Variants in HPSE2 observed in about 807,000 individuals in gnomAD.
The protein encoded by HPSE2 is inactive heparanase-2.
Under a neutral mutation model 60.5 loss-of-function variants are expected in HPSE2, and 38 were observed. The ratio of observed to expected loss-of-function variants is 0.63; its 90% CI spans 0.48 to 0.82. The LOEUF is 0.82. HPSE2 is among the 40% of genes least tolerant of loss of function. HPSE2 has a pLI of 0.00. For synonymous variants in HPSE2, 295 were observed against 293.2 expected, an observed-to-expected ratio of 1.01 and a Z score of -0.06; for missense variants, 713 against 740.4, an observed-to-expected ratio of 0.96 and a Z score of 0.43.
In HPSE2 at chr10:98,459,064, G is replaced by A; in HGVS notation, c.*510C>T. 1 of 213,610 alleles carries A rather than the reference G, an allele frequency of 4.7e-6. No individual in the cohort carries two copies. Among genetic ancestry groups the A allele is most frequent in the South Asian group, 8.8e-5 (1 of 11,406 alleles). 13.2% of individuals were successfully genotyped at this position (213,610 alleles called of 1,614,324 possible). A position where few individuals can be genotyped will look rare whatever the true frequency, so the allele number is the denominator to read the frequency against. On this transcript the variant is annotated 3_prime_UTR_variant, in exon 12 of 12. Coordinates refer to ENST00000370552, the MANE Select transcript of HPSE2 (RefSeq NM_021828.5). ...CACACCCATTACTCCCCTATGGAAAGAGATGTGTCAAAAAACTCAGGGCAG... is the reference window on the plus strand; with the variant it reads ...CACACCCATTACTCCCCTATGGAAAAAGATGTGTCAAAAAACTCAGGGCAG...
intron 9 of HPSE2, among the ~76,000 whole-genome samples, chr10:98,565,492 C>G (rs952219184): frequency 1.3e-5 from 2 of 152,292 alleles, no homozygotes; most frequent in East Asian, 3.9e-4. Context: ...CATGTCCTTG[C>G]AAAGGACATG....
chr10:98,831,274 C>A (rs1951677658), intron 3 of HPSE2, among the ~76,000 whole-genome samples: 1 of 152,128 alleles, frequency 6.6e-6, no homozygotes, highest in East Asian at 1.9e-4. Context: ...AGGGTGTAGT[C>A]CTGAAGAAGA....
chr10:99,093,841 A>G (rs1843604224), intron 3 of HPSE2, among the ~76,000 whole-genome samples: 1 of 151,976 alleles, frequency 6.6e-6, no homozygotes, highest in Admixed American at 6.6e-5. Context: ...ATCTATTTTT[A>G]TTTATCCCAT....
chr10:98,946,403 T>G (rs555726424), intron 3 of HPSE2, among the ~76,000 whole-genome samples: 1 of 151,112 alleles, frequency 6.6e-6, no homozygotes, highest in African/African-American at 2.4e-5. Flanking sequence ...AGCCCACGAG[T>G]TTTAGACTGC....
chr10:99,119,233 A>G (rs1844849547), intron 3 of HPSE2, among the ~76,000 whole-genome samples: 2 of 152,142 alleles, frequency 1.3e-5, no homozygotes, highest in South Asian at 4.2e-4. Flanking sequence ...TAAACTGATA[A>G]ATAACTTCAG....
chr10:98,727,603 C>A (rs1306996307), intron 4 of HPSE2, among the ~76,000 whole-genome samples: 1 of 151,774 alleles, frequency 6.6e-6, no homozygotes, highest in Non-Finnish European at 1.5e-5. Flanking sequence ...TTGCAGTGAG[C>A]CAAGATTGCA....
rs762762015 is a variant in HPSE2, at chr10:98,482,763, A to G, written c.1486T>C (p.Ser496Pro). 6.2e-7 allele frequency: 1 copy of G among 1,614,142 alleles called. No homozygotes were observed. The highest frequency in any genetic ancestry group is 2.2e-5 in the East Asian group (1 of 44,884). Residue 496 changes from serine (S) to proline (P), a missense_variant, in exon 11 of 12, where the codon TCC becomes CCC. Coordinates refer to ENST00000370552, the MANE Select transcript of HPSE2 (RefSeq NM_021828.5). ...AAGTTGATGATAAAAAGTGTAATGG[A>G]CCCACGAACGTAGTTGTGGCTGAGA... ...NHHNHNYVRG[S>P]ITLFIINLHR...
intron 3 of HPSE2, among the ~76,000 whole-genome samples, chr10:98,830,753 T>A (rs939753207): frequency 3.3e-5 from 5 of 152,182 alleles, no homozygotes; most frequent in African/African-American, 1.2e-4. Flanking sequence ...TAACTTAGCA[T>A]CCTTTGGTCA....
chr10:99,203,117 T>A (rs533214508), intron 2 of HPSE2, among the ~76,000 whole-genome samples: 11 of 151,888 alleles, frequency 7.2e-5, no homozygotes, highest in Non-Finnish European at 1.6e-4. Context: ...TCCAGGCCCA[T>A]CCCACCACGA....
At chr10:98,770,905 G>A (rs1281906890) in intron 3 of HPSE2, among the ~76,000 whole-genome samples, 1 of 152,120 alleles carries the variant, frequency 6.6e-6, no homozygotes, top group Non-Finnish European at 1.5e-5. Context: ...AGCATGAACA[G>A]CCCCTGACAA....
intron 5 of HPSE2, among the ~76,000 whole-genome samples, chr10:98,703,480 A>G (rs1046726113): frequency 4.3e-5 from 3 of 69,536 alleles, no homozygotes; most frequent in Admixed American, 1.7e-4. Context: ...ACACAACAAA[A>G]AAAAGAAAAC....
intron 3 of HPSE2, among the ~76,000 whole-genome samples, chr10:99,028,827 T>C (rs1307976820): frequency 6.6e-6 from 1 of 151,928 alleles, no homozygotes; most frequent in Non-Finnish European, 1.5e-5. Context: ...CCAGAAACAA[T>C]CTACATACCT....
intron 3 of HPSE2, among the ~76,000 whole-genome samples, chr10:98,948,114 G>A (rs187054842): frequency 6.6e-6 from 1 of 152,162 alleles, no homozygotes; most frequent in African/African-American, 2.4e-5. Flanking sequence ...AGAACATCAT[G>A]AAAGTCTGGA....
chr10:99,036,392 A>T (rs1290552394), intron 3 of HPSE2, among the ~76,000 whole-genome samples: 1 of 152,142 alleles, frequency 6.6e-6, no homozygotes. Context: ...TAAGAATGAG[A>T]CATATCTAAA....
chr10:98,633,941 T>G (rs138001184), intron 7 of HPSE2, among the ~76,000 whole-genome samples: 3 of 152,230 alleles, frequency 2.0e-5, no homozygotes, highest in African/African-American at 7.2e-5. Flanking sequence ...GAATGAAAGA[T>G]TGTTCACTCA....
chr10:98,807,305 C>T (rs1951065094), intron 3 of HPSE2, among the ~76,000 whole-genome samples: 1 of 152,212 alleles, frequency 6.6e-6, no homozygotes, highest in Admixed American at 6.5e-5. Flanking sequence ...TAACTACATT[C>T]ATATTGCTGT....
chr10:99,273,399 C>T, the HPSE2 span, among the ~76,000 whole-genome samples: 1 of 151,994 alleles, frequency 6.6e-6, no homozygotes, highest in African/African-American at 2.4e-5. Context: ...CTACCTGTTC[C>T]CCAAAAACCT....
chr10:98,690,197 T>C (rs1236375898), intron 6 of HPSE2, among the ~76,000 whole-genome samples: 1 of 152,218 alleles, frequency 6.6e-6, no homozygotes, highest in Non-Finnish European at 1.5e-5. Flanking sequence ...AATATGAGCA[T>C]GCATTTCTGT....
chr10:98,535,959 T>C (rs991702200), intron 9 of HPSE2, among the ~76,000 whole-genome samples: 1 of 151,506 alleles, frequency 6.6e-6, no homozygotes, highest in African/African-American at 2.4e-5. Flanking sequence ...TTCCTCCTGT[T>C]CCTACTGCCA....
Sources: allele counts gnomAD v4.1 joint callset (sites outside exome capture counted in the v4.1 genomes callset), GRCh38; gene constraint gnomAD v4.1.1; transcripts MANE v1.5; gene names NCBI Gene and HGNC (gene_info 2026-07-23, HGNC 2026-07-21).